The following CYP7B1 variants were observed in gnomAD, a reference collection of about 807,000 sequenced individuals.
The protein encoded by CYP7B1 is cytochrome P450 family 7 subfamily B member 1.
CYP7B1 carries 29 observed loss-of-function variants against 42.7 expected under a neutral mutation model. That is an observed-to-expected ratio of 0.68 (90% CI 0.51 to 0.93). The LOEUF (loss-of-function observed/expected upper bound fraction) is 0.93. CYP7B1 is among the 40% of genes least tolerant of loss of function. The pLI, the probability that CYP7B1 is intolerant of heterozygous loss-of-function variation, is 0.00. For synonymous variants in CYP7B1, 235 were observed against 218.2 expected, an observed-to-expected ratio of 1.08 and a Z score of -0.68; for missense variants, 655 against 600.5, an observed-to-expected ratio of 1.09 and a Z score of -0.95.
chr8:64,784,025 A>C (rs1804477733), intron 1 of CYP7B1, among the ~76,000 whole-genome samples: 1 of 152,172 alleles, frequency 6.6e-6, no homozygotes. Flanking sequence ...TAATTTACCA[A>C]GGTATCAGTC....
intron 1 of CYP7B1, among the ~76,000 whole-genome samples, chr8:64,730,453 C>T (rs1331464909): frequency 2.0e-5 from 3 of 152,040 alleles, no homozygotes; most frequent in African/African-American, 7.2e-5. Flanking sequence ...AAGAAGGCAA[C>T]AAAGGTACAT....
At chr8:64,757,360 T>C (rs1807823533) in intron 1 of CYP7B1, among the ~76,000 whole-genome samples, 1 of 152,170 alleles carries the variant, frequency 6.6e-6, no homozygotes, top group African/African-American at 2.4e-5. Flanking sequence ...AGGTATTCCA[T>C]AAAATAGGAT....
At chr8:64,751,209 A>C (rs887461632) in intron 1 of CYP7B1, among the ~76,000 whole-genome samples, 1 of 152,218 alleles carries the variant, frequency 6.6e-6, no homozygotes, top group Non-Finnish European at 1.5e-5. Context: ...AATAAATGTG[A>C]CCTGTCATCA....
intron 1 of CYP7B1, among the ~76,000 whole-genome samples, chr8:64,745,925 A>G (rs531941279): frequency 1.2e-4 from 19 of 152,184 alleles, no homozygotes; most frequent in Admixed American, 6.5e-4. Flanking sequence ...TGCCATACTC[A>G]CCCTGACAAC....
intron 5 of CYP7B1, among the ~76,000 whole-genome samples, chr8:64,599,405 G>A (rs1013030949): frequency 6.6e-6 from 1 of 152,122 alleles, no homozygotes; most frequent in Non-Finnish European, 1.5e-5. Flanking sequence ...AACCAGGATG[G>A]TCTTGATCTC....
chr8:64,602,215 A>G (rs904017993), intron 5 of CYP7B1, among the ~76,000 whole-genome samples: 1 of 152,184 alleles, frequency 6.6e-6, no homozygotes, highest in Non-Finnish European at 1.5e-5. Context: ...ATGCCCCCCT[A>G]CAAAGTTAAA....
At chr8:64,665,905 T>C (rs1018273512) in intron 1 of CYP7B1, among the ~76,000 whole-genome samples, 8 of 152,226 alleles carry the variant, frequency 5.3e-5, no homozygotes, top group African/African-American at 1.9e-4. Flanking sequence ...TTGGCAACTT[T>C]TTACGACTGG....
chr8:64,757,243 C>T (rs1807822187), intron 1 of CYP7B1, among the ~76,000 whole-genome samples: 1 of 152,174 alleles, frequency 6.6e-6, no homozygotes, highest in African/African-American at 2.4e-5. Flanking sequence ...GCTTCCTACA[C>T]TCAGTTTCCT....
rs531243781 is a variant in CYP7B1 at position 64,602,841 on chromosome 8, A to G, written c.1233+1841T>C. 9.2e-5 allele frequency among the ~76,000 whole-genome samples: 14 copies of G among 152,338 alleles called. No homozygotes were observed. The Middle Eastern group carries it at 0.01, about 111-fold the overall frequency. On this transcript the variant is annotated intron_variant, in intron 5 of 5. Transcript: ENST00000310193. ...GAAGTTGTTAAGAATCAAAGGAATA[A>G]CTGATATGTCTGAGAGTGGTAGTCA...
At chr8:64,671,823 T>C (rs1037093041) in intron 1 of CYP7B1, among the ~76,000 whole-genome samples, 4 of 152,292 alleles carry the variant, frequency 2.6e-5, no homozygotes, top group Admixed American at 2.6e-4. Context: ...GTGGAAAAGA[T>C]GCAAGGTTCT....
chr8:64,662,700 G>A (rs1806216753), intron 1 of CYP7B1, among the ~76,000 whole-genome samples: 1 of 152,132 alleles, frequency 6.6e-6, no homozygotes, highest in African/African-American at 2.4e-5. Flanking sequence ...CTTTCTATGT[G>A]CTCAGAGTTT....
chr8:64,768,874 T>A (rs1181272663), intron 1 of CYP7B1, among the ~76,000 whole-genome samples: 2 of 152,154 alleles, frequency 1.3e-5, no homozygotes, highest in African/African-American at 4.8e-5. Context: ...ATCACCTACC[T>A]TTGAGTGGCT....
chr8:64,720,746 A>G (rs1156438984), intron 1 of CYP7B1, among the ~76,000 whole-genome samples: 1 of 152,128 alleles, frequency 6.6e-6, no homozygotes, highest in East Asian at 1.9e-4. Context: ...TGTGTCAAAA[A>G]TGTTCCCTTA....
At chr8:64,608,636 T>C (rs1406042875) in intron 4 of CYP7B1, among the ~76,000 whole-genome samples, 2 of 149,926 alleles carry the variant, frequency 1.3e-5, no homozygotes, top group African/African-American at 4.9e-5. Flanking sequence ...ATGGAGGTGG[T>C]GGTGGTTATA....
chr8:64,636,704 T>C (rs10957319), intron 1 of CYP7B1, among the ~76,000 whole-genome samples: 10,476 of 152,248 alleles, frequency 0.069, 427 homozygotes, highest in South Asian at 0.16. Flanking sequence ...AACTCTAACA[T>C]TCTAGGCTTT....
chr8:64,661,309 C>G (rs942405496), intron 1 of CYP7B1, among the ~76,000 whole-genome samples: 1 of 152,172 alleles, frequency 6.6e-6, no homozygotes, highest in Non-Finnish European at 1.5e-5. Context: ...AAAAATTAAA[C>G]AGCACTTTAT....
chr8:64,631,368 T>C (rs1805693169), intron 1 of CYP7B1, among the ~76,000 whole-genome samples: 1 of 152,086 alleles, frequency 6.6e-6, no homozygotes, highest in African/African-American at 2.4e-5. Flanking sequence ...AAAAAAATGT[T>C]TGACAAAATC....
intron 1 of CYP7B1, among the ~76,000 whole-genome samples, chr8:64,741,768 T>C (rs1329389854): frequency 6.6e-6 from 1 of 152,198 alleles, no homozygotes; most frequent in Non-Finnish European, 1.5e-5. Context: ...CCAAAATGAA[T>C]GAAATGCTTG....
chr8:64,665,759 A>G (rs1256662350), intron 1 of CYP7B1, among the ~76,000 whole-genome samples: 2 of 151,596 alleles, frequency 1.3e-5, no homozygotes, highest in East Asian at 3.9e-4. Flanking sequence ...TATTTTTAGT[A>G]GAGACAGGGT....
Sources: gnomAD v4.1 joint callset for allele counts (sites outside exome capture counted in the v4.1 genomes callset) on GRCh38, gnomAD v4.1.1 for gene constraint, MANE v1.5 for transcripts, NCBI Gene and HGNC (gene_info 2026-07-23, HGNC 2026-07-21) for gene names.